Variants in CACNA1I observed in about 807,000 individuals in gnomAD.
The protein encoded by CACNA1I is voltage-dependent T-type calcium channel subunit alpha-1I.
Under a neutral mutation model 201.6 loss-of-function variants are expected in CACNA1I, and 74 were observed. The observed-to-expected ratio is 0.37, with a 90% confidence interval of 0.30 to 0.45. The LOEUF is 0.45. CACNA1I is among the 20% of genes least tolerant of loss of function. CACNA1I has a pLI of 1.00. For synonymous variants in CACNA1I, 1,431 were observed against 1,345.2 expected, an observed-to-expected ratio of 1.06 and a Z score of -1.40; for missense variants, 2,346 against 3,138.1, an observed-to-expected ratio of 0.75 and a Z score of 6.03.
intron 27 of CACNA1I, 53 bp downstream of exon 27, chr22:39,672,361 A>G: frequency 1.6e-6 from 2 of 1,220,744 alleles, no homozygotes; most frequent in Admixed American, 3.4e-5. Flanking sequence ...CAGGATGAAG[A>G]AGCAGTCCTG....
chr22:39,581,504 G>A (rs1932547718), intron 1 of CACNA1I, among the ~76,000 whole-genome samples: 1 of 152,152 alleles, frequency 6.6e-6, no homozygotes, highest in Non-Finnish European at 1.5e-5. Flanking sequence ...TTGACAGAGA[G>A]GCGAAGTGCC....
At chr22:39,653,918 G>A (rs573231030) in intron 10 of CACNA1I, among the ~76,000 whole-genome samples, 6 of 152,330 alleles carry the variant, frequency 3.9e-5, no homozygotes, top group African/African-American at 1.4e-4. Flanking sequence ...TGTGACTCAC[G>A]AAGTGGTGAA....
intron 1 of CACNA1I, among the ~76,000 whole-genome samples, chr22:39,576,954 C>A (rs964407489): frequency 6.6e-6 from 1 of 152,140 alleles, no homozygotes; most frequent in East Asian, 1.9e-4. Context: ...GCTTCTTCTT[C>A]TTCTTCTTTT....
At chr22:39,644,306 T>C (rs991597778) in intron 7 of CACNA1I, among the ~76,000 whole-genome samples, 1 of 152,140 alleles carries the variant, frequency 6.6e-6, no homozygotes, top group African/African-American at 2.4e-5. Flanking sequence ...TAAAGCACGA[T>C]GCTCCCCGAG....
rs1934234123 is a variant in CACNA1I at position 39,636,964 on chromosome 22, A to G, written c.740+2240A>G. ...CTCAGCCCAACCTGTCACTATGCAG[A>G]TGGGGACTGAGGCCTAGATGGGAAG... On this transcript the variant is annotated intron_variant, in intron 5 of 36. Coordinates refer to ENST00000402142, the MANE Select transcript of CACNA1I (RefSeq NM_021096.4). 2.0e-5 allele frequency among the ~76,000 whole-genome samples: 3 copies of G among 152,202 alleles called. No individual in the cohort carries two copies. In the South Asian group the frequency reaches 6.2e-4, roughly 32 times the overall value.
chr22:39,598,270 G>A lies in CACNA1I; in HGVS notation c.348+8G>A, dbSNP rs781341440. On this transcript the variant is annotated splice_region_variant and intron_variant, in intron 2 of 36. Coordinates refer to ENST00000402142, the MANE Select transcript of CACNA1I (RefSeq NM_021096.4). Reference sequence around the variant, plus strand: ...CGCTGCAAGATCCTGCAGGTGAGCCGGCCGCCCCGCCCCGCCCCGCCCTGC... The same window carrying A: ...CGCTGCAAGATCCTGCAGGTGAGCCAGCCGCCCCGCCCCGCCCCGCCCTGC... 1.7e-5 allele frequency: 25 copies of A among 1,447,794 alleles called. No homozygotes were observed. Among genetic ancestry groups the A allele is most frequent in the Middle Eastern group, 1.9e-4 (1 of 5,336 alleles). The allele number at this position is 1,447,794 out of a possible 1,614,324, so 89.7% of individuals were successfully genotyped here.
chr22:39,670,706 C>T (rs1248436900), intron 25 of CACNA1I, 97 bp from the exon 26 acceptor site: 37 of 1,203,190 alleles, frequency 3.1e-5, no homozygotes, highest in Non-Finnish European at 4.1e-5. Context: ...TCTTTGCCCC[C>T]TCCCTTTCCT....
chr22:39,680,089 C>T (rs893200840), intron 33 of CACNA1I, among the ~76,000 whole-genome samples: 2 of 152,208 alleles, frequency 1.3e-5, no homozygotes, highest in African/African-American at 4.8e-5. Context: ...AGCACCATGC[C>T]GCACACAGTA....
chr22:39,664,880 G>C lies in CACNA1I; in HGVS notation c.3808G>C (p.Val1270Leu), dbSNP rs775862143. ...AGCCGGGGGAGCCAAGATCTTGGGGGTCCTCCGAGTCTTGCGGCTCCTGCG... is the reference window on the plus strand; with the variant it reads ...AGCCGGGGGAGCCAAGATCTTGGGGCTCCTCCGAGTCTTGCGGCTCCTGCG... ...ASAGGAKILG[V>L]LRVLRLLRTL... The change falls in exon 21 of 37, where the codon GTC (valine) becomes CTC (leucine). Residue 1270 changes from valine to leucine, a missense_variant. Transcript: ENST00000402142. 1.2e-6 allele frequency: 2 copies of C among 1,612,858 alleles called. No individual in the cohort carries two copies. Among genetic ancestry groups the C allele is most frequent in the African/African-American group, 2.7e-5 (2 of 74,914 alleles).
At chr22:39,577,877 C>T (rs1932410997) in intron 1 of CACNA1I, among the ~76,000 whole-genome samples, 1 of 152,242 alleles carries the variant, frequency 6.6e-6, no homozygotes, top group Non-Finnish European at 1.5e-5. Flanking sequence ...TGGCCTTGGC[C>T]AAGTTCCTTG....
Position 39,642,866 on chromosome 22 carries a change from A to G in CACNA1I, c.1126A>G (p.Ile376Val). 1 of 1,607,392 alleles carries G rather than the reference A, an allele frequency of 6.2e-7. No homozygotes were observed. Among genetic ancestry groups the G allele is most frequent in the Non-Finnish European group, 8.5e-7 (1 of 1,175,882 alleles). ...GGATGCTCACTCCTTCTACAACTTCATCTACTTCATCCTGCTTATCATAGT... is the reference window on the plus strand; with the variant it reads ...GGATGCTCACTCCTTCTACAACTTCGTCTACTTCATCCTGCTTATCATAGT... Reference protein sequence around the residue: ...VMDAHSFYNFIYFILLIIVGS... With the variant: ...VMDAHSFYNFVYFILLIIVGS... The change falls in exon 7 of 37, where the codon ATC becomes GTC. Residue 376 changes from isoleucine (I) to valine (V), a missense_variant. Ile to Val is a conservative substitution (Grantham distance 29). Around this residue, in one of 13 missense-constraint regions of CACNA1I, gnomAD observed 227 missense variants for 412.5 expected, o/e 0.55. Coordinates refer to ENST00000402142, the MANE Select transcript of CACNA1I (RefSeq NM_021096.4).
chr22:39,661,336 C>A, intron 16 of CACNA1I, 26 bp downstream of exon 16: 1 of 1,504,388 alleles, frequency 6.6e-7, no homozygotes, highest in Non-Finnish European at 8.9e-7. Flanking sequence ...GAGCTCTGGA[C>A]GGGCGCTTCC....
At chr22:39,617,378 G>C (rs974402062) in intron 3 of CACNA1I, among the ~76,000 whole-genome samples, 1 of 152,198 alleles carries the variant, frequency 6.6e-6, no homozygotes, top group East Asian at 1.9e-4. Context: ...CTGAGCCTGA[G>C]GGGGTTCCCA....
intron 31 of CACNA1I, among the ~76,000 whole-genome samples, chr22:39,678,829 G>A (rs1289477564): frequency 6.6e-6 from 1 of 152,218 alleles, no homozygotes; most frequent in African/African-American, 2.4e-5. Context: ...AGGCCTGACT[G>A]TCCCGGGGAA....
At position 39,684,282 on chromosome 22, in the gene CACNA1I, G is replaced by A; in HGVS notation, c.5831-20G>A. ...GGCCTGAGCGTGCTCCCTCAGCTCT[G>A]TCTTCTCCTTTCCCAGCAGCACCCC... On this transcript the variant is annotated intron_variant, in intron 35 of 36. Transcript: ENST00000402142. This position sits in a 1 kb window ranked among gnomAD's most constrained non-coding sequence, Gnocchi z 4.6. 6.2e-7 allele frequency: 1 copy of A among 1,611,598 alleles called. No homozygotes were observed.
chr22:39,604,514 G>C (rs995944119), intron 3 of CACNA1I, among the ~76,000 whole-genome samples: 1 of 152,154 alleles, frequency 6.6e-6, no homozygotes, highest in Non-Finnish European at 1.5e-5. Flanking sequence ...TGAACAAGGG[G>C]CCCTGCATCT....
At chr22:39,605,375 C>T (rs905535828) in intron 3 of CACNA1I, among the ~76,000 whole-genome samples, 14 of 152,154 alleles carry the variant, frequency 9.2e-5, no homozygotes, top group African/African-American at 2.7e-4. Context: ...CCTCACCAGG[C>T]GGCTGGTCTC....
At chr22:39,660,834 C>T (rs1732472299) in intron 15 of CACNA1I, among the ~76,000 whole-genome samples, 1 of 152,118 alleles carries the variant, frequency 6.6e-6, no homozygotes, top group Non-Finnish European at 1.5e-5. Flanking sequence ...CCTTGTTTCC[C>T]ATAGTGGGCA....
At chr22:39,586,542 G>C (rs1182544523) in intron 1 of CACNA1I, among the ~76,000 whole-genome samples, 1 of 149,620 alleles carries the variant, frequency 6.7e-6, no homozygotes, top group East Asian at 1.9e-4. Flanking sequence ...TTCTGAAAAG[G>C]GGCTTGTGGC....
Sources: allele counts gnomAD v4.1 joint callset (sites outside exome capture counted in the v4.1 genomes callset), GRCh38; gene constraint gnomAD v4.1.1; regional missense constraint gnomAD v4.1.1; non-coding constraint Gnocchi (gnomAD v3.1); transcripts MANE v1.5; gene names NCBI Gene and HGNC (gene_info 2026-07-23, HGNC 2026-07-21).